ANKAR: variants seen among roughly 807,000 people sequenced by gnomAD.
The protein encoded by ANKAR is ankyrin and armadillo repeat containing.
Under a neutral mutation model 146.2 loss-of-function variants are expected in ANKAR, and 136 were observed. That is an observed-to-expected ratio of 0.93 (90% CI 0.81 to 1.07). The LOEUF is 1.07. Among genes scored for constraint, ANKAR ranks in the 50% least tolerant of loss-of-function variants. The pLI is 0.00. For missense variants in ANKAR, 1,567 were observed against 1,679.9 expected, an observed-to-expected ratio of 0.93 and a Z score of 1.18; for synonymous variants, 500 against 575.8, an observed-to-expected ratio of 0.87 and a Z score of 1.88.
At chr2:189,754,618 G>T in intron 18 of ANKAR, 1 of 394,008 alleles carries the variant, frequency 2.5e-6, no homozygotes, top group Admixed American at 4.2e-5. Context: ...GACAATAACT[G>T]CTTAATGATG....
intron 1 of ANKAR, 150 bp from the exon 2 acceptor site, chr2:189,676,306 C>T (rs2033663539): frequency 5.1e-6 from 3 of 587,614 alleles, no homozygotes; most frequent in Non-Finnish European, 8.3e-6. Context: ...TTTTCATATA[C>T]TGCAGTTATT....
At chr2:189,700,657 C>T (rs982875512) in intron 7 of ANKAR, among the ~76,000 whole-genome samples, 9 of 152,112 alleles carry the variant, frequency 5.9e-5, no homozygotes, top group Non-Finnish European at 5.9e-5. Flanking sequence ...CTATTTTGTA[C>T]CCATTAACTA....
intron 2 of ANKAR, among the ~76,000 whole-genome samples, chr2:189,683,333 G>A (rs564478139): frequency 6.6e-5 from 10 of 152,278 alleles, no homozygotes; most frequent in South Asian, 2.1e-4. Context: ...GGGTTAACTC[G>A]CTCATGCTTT....
chr2:189,686,019 T>C (rs1238140956), intron 2 of ANKAR, among the ~76,000 whole-genome samples: 1 of 152,160 alleles, frequency 6.6e-6, no homozygotes, highest in African/African-American at 2.4e-5. Flanking sequence ...TTCTTGTGGT[T>C]TTTGTTGGCT....
rs1171646986 is a variant in ANKAR at position 189,738,671 on chromosome 2, T to C, written c.3689T>C (p.Ile1230Thr). Reference protein sequence around the residue: ...DSLYSVQTSTIVLTGNLIASL... With the variant: ...DSLYSVQTSTTVLTGNLIASL... ...CTGTATTCAGTTCAGACTTCTACTATTGTCTTGACAGGTAAGAAATGACTA... is the reference window on the plus strand; with the variant it reads ...CTGTATTCAGTTCAGACTTCTACTACTGTCTTGACAGGTAAGAAATGACTA... Residue 1230 changes from isoleucine (I) to threonine (T), a missense_variant, in exon 19 of 23, where the codon ATT becomes ACT. Ile to Thr is a moderately conservative substitution (Grantham distance 89). Transcript: ENST00000684021. 1 of 1,590,928 alleles carries C rather than the reference T, an allele frequency of 6.3e-7. No homozygotes were observed. The highest frequency in any genetic ancestry group is 1.7e-5 in the Admixed American group (1 of 57,428).
At position 189,738,616 on chromosome 2, in the gene ANKAR, G is replaced by C. The variant is rs768540234; in HGVS notation, c.3634G>C (p.Ala1212Pro). The change falls in exon 19 of 23, where the codon GCA becomes CCA. Residue 1212 changes from alanine (A) to proline (P), a missense_variant. Coordinates refer to ENST00000684021, the MANE Select transcript of ANKAR (RefSeq NM_001378068.1). ...AGATATGGACCATATTACTTTGTCT[G>C]CAAGAGGTGTTACTATTTTAGTTGA... ...IRDMDHITLS[A>P]RGVTILVDSL... 6 of 1,612,428 alleles carry C rather than the reference G, an allele frequency of 3.7e-6. No individual in the cohort carries two copies. The highest frequency in any genetic ancestry group is 8.5e-7 in the Non-Finnish European group (1 of 1,179,054).
chr2:189,690,778 T>TG (rs1031931765), intron 3 of ANKAR, among the ~76,000 whole-genome samples: 1 of 152,142 alleles, frequency 6.6e-6, no homozygotes, highest in Non-Finnish European at 1.5e-5. Context: ...GCATGGCTCT[T>TG]GGGTGGTGGG....
chr2:189,699,267 G>A (rs76901790), intron 7 of ANKAR, among the ~76,000 whole-genome samples: 5,998 of 152,262 alleles, frequency 0.039, 119 homozygotes, highest in South Asian at 0.07. Context: ...ACAGTATAGA[G>A]GACAAGTGCT....
At chr2:189,753,865 A>G (rs2045665206) in intron 18 of ANKAR, 2 of 1,587,668 alleles carry the variant, frequency 1.3e-6, no homozygotes, top group Non-Finnish European at 1.7e-6. Flanking sequence ...TTGGGAAAAA[A>G]GTAACATATT....
At chr2:189,720,312 A>C (rs1256040807) in intron 11 of ANKAR, among the ~76,000 whole-genome samples, 1 of 151,942 alleles carries the variant, frequency 6.6e-6, no homozygotes, top group Non-Finnish European at 1.5e-5. Flanking sequence ...CAATGGTGCA[A>C]TCTTGGCTCA....
chr2:189,680,380 A>G (rs895906001), intron 2 of ANKAR, among the ~76,000 whole-genome samples: 7 of 151,960 alleles, frequency 4.6e-5, no homozygotes. Flanking sequence ...TATCTTTTCA[A>G]AAAACCAGCT....
At chr2:189,737,910 A>T in intron 18 of ANKAR, 69 bp downstream of exon 18, 1 of 1,394,690 alleles carries the variant, frequency 7.2e-7, no homozygotes, top group South Asian at 1.5e-5. Flanking sequence ...AAATTACAAC[A>T]ATTTGGAGGC....
At chr2:189,757,219 A>C (rs193106183) in intron 18 of ANKAR, among the ~76,000 whole-genome samples, 17 of 152,334 alleles carry the variant, frequency 1.1e-4, no homozygotes, top group Admixed American at 5.9e-4. Flanking sequence ...GTCAGTGAGA[A>C]GGGAGAGGAA....
intron 2 of ANKAR, among the ~76,000 whole-genome samples, chr2:189,686,137 C>T (rs1344515584): frequency 6.6e-6 from 1 of 151,944 alleles, no homozygotes; most frequent in African/African-American, 2.4e-5. Context: ...ATTTATCTAA[C>T]TATTTTGCAG....
At chr2:189,716,664 C>T (rs1232080030) in intron 10 of ANKAR, among the ~76,000 whole-genome samples, 1 of 152,118 alleles carries the variant, frequency 6.6e-6, no homozygotes, top group African/African-American at 2.4e-5. Flanking sequence ...AAAGCTGGAG[C>T]AATCACGCTA....
intron 4 of ANKAR, 41 bp downstream of exon 4, chr2:189,692,459 C>G: frequency 6.4e-7 from 1 of 1,554,222 alleles, no homozygotes; most frequent in Non-Finnish European, 8.7e-7. Flanking sequence ...CATTTCACAA[C>G]TCTTTTATCC....
In ANKAR at chr2:189,741,416, C is replaced by T. The variant is rs200396361; in HGVS notation, c.3775C>T (p.Arg1259Trp). 19 of 1,611,196 alleles carry T rather than the reference C, an allele frequency of 1.2e-5. No homozygotes were observed. The highest frequency in any genetic ancestry group is 9.0e-5 in the East Asian group (4 of 44,620). Residue 1259 changes from arginine to tryptophan, a missense_variant, in exon 20 of 23, where the codon CGG becomes TGG. Arg to Trp is a moderately radical substitution (Grantham distance 101). Coordinates refer to ENST00000684021, the MANE Select transcript of ANKAR (RefSeq NM_001378068.1). ...EAFTTLGTIQ[R>W]LCYHLYSGIE... is the part of the protein sequence containing the mutation. ...ATTTACCACATTAGGAACAATCCAA[C>T]GGCTCTGCTATCATTTGTACTCGGG...
At chr2:189,739,252 A>G (rs2043121239) in intron 19 of ANKAR, among the ~76,000 whole-genome samples, 1 of 152,158 alleles carries the variant, frequency 6.6e-6, no homozygotes, top group African/African-American at 2.4e-5. Flanking sequence ...TGCCACTCTT[A>G]AAGTAACATA....
Position 189,693,107 on chromosome 2 carries a change from A to G in ANKAR, c.1237A>G (p.Asn413Asp). Reference protein sequence around the residue: ...NLEKIRDCAANTFIEDSGYKE... With the variant: ...NLEKIRDCAADTFIEDSGYKE... ...AGAAAAAATACGAGATTGTGCTGCT[A>G]ATACATTTATAGAAGATTCAGGATA... is the stretch of plus-strand genomic sequence containing the variant. Residue 413 changes from asparagine to aspartate, a missense_variant, in exon 5 of 23, where the codon AAT becomes GAT. By Grantham distance (23) the Asn-to-Asp change is conservative (BLOSUM62 1). Transcript: ENST00000684021. 4 of 1,549,330 alleles carry G rather than the reference A, an allele frequency of 2.6e-6. No individual in the cohort carries two copies. The highest frequency in any genetic ancestry group is 1.7e-4 in the Middle Eastern group (1 of 5,904).
Sources: gnomAD v4.1 joint callset for allele counts (sites outside exome capture counted in the v4.1 genomes callset) on GRCh38, gnomAD v4.1.1 for gene constraint, MANE v1.5 for transcripts, NCBI Gene and HGNC (gene_info 2026-07-23, HGNC 2026-07-21) for gene names.